CFHR3: variants seen among roughly 807,000 people sequenced by gnomAD.
The protein encoded by CFHR3 is complement factor H related 3, also known as complement factor H-related protein 3.
Under a neutral mutation model 36.0 loss-of-function variants are expected in CFHR3, and 22 were observed. That is an observed-to-expected ratio of 0.61 (90% CI 0.44 to 0.87). CFHR3 has a LOEUF of 0.87. Ranked by LOEUF, CFHR3 falls within the 40% of genes least tolerant of loss-of-function variation. The pLI, the probability that CFHR3 is intolerant of heterozygous loss-of-function variation, is 0.00. For synonymous variants in CFHR3, 97 were observed against 137.4 expected, an observed-to-expected ratio of 0.71 and a Z score of 2.06; for missense variants, 276 against 401.3, an observed-to-expected ratio of 0.69 and a Z score of 2.67.
At position 196,777,985 on chromosome 1, in the gene CFHR3, A is replaced by T. The variant is rs1267891258; in HGVS notation, c.59-1177A>T. 4.6e-4 allele frequency among the ~76,000 whole-genome samples: 34 copies of T among 74,270 alleles called. 1 individual carries two copies. Among genetic ancestry groups the T allele is most frequent in the East Asian group, 3.3e-3 (4 of 1,224 alleles). 48.7% of individuals were successfully genotyped at this position (74,270 alleles called of 152,430 possible). A position where few individuals can be genotyped will look rare whatever the true frequency, so the allele number is the denominator to read the frequency against. The stretch of plus-strand genomic sequence containing the variant: ...CTTGGTGACAGAACAAGACTGTTAA[A>T]AAAAAAAAAAAAAAAAAGAAAAGAA... On this transcript the variant is annotated intron_variant, in intron 1 of 5. Coordinates refer to ENST00000367425, the MANE Select transcript of CFHR3 (RefSeq NM_021023.6).
rs1442500828 is a variant in CFHR3, at chr1:196,783,321, A to G, written c.430+3348A>G. 2.9e-5 allele frequency among the ~76,000 whole-genome samples: 4 copies of G among 135,606 alleles called. 1 individual carries two copies. Among genetic ancestry groups the G allele is most frequent in the African/African-American group, 1.3e-4 (4 of 31,950 alleles). 89.0% of individuals were successfully genotyped at this position (135,606 alleles called of 152,430 possible). A position where few individuals can be genotyped will look rare whatever the true frequency, so the allele number is the denominator to read the frequency against. ...ATCAGGATGATGCTGGCCTCATAAA[A>G]TGAGTTAGGGAGGATTCCCTCTTTT... On this transcript the variant is annotated intron_variant, in intron 3 of 5. Transcript: ENST00000367425.
At chr1:196,780,026 G>C in intron 3 of CFHR3, 53 bp downstream of exon 3, 1 of 1,522,198 alleles carries the variant, frequency 6.6e-7, no homozygotes, top group Middle Eastern at 1.9e-4. Flanking sequence ...TAAGTAACAC[G>C]GACGACAGTC....
intron 3 of CFHR3, among the ~76,000 whole-genome samples, chr1:196,786,625 C>G (rs1654215652): frequency 7.3e-6 from 1 of 136,746 alleles, no homozygotes; most frequent in Admixed American, 7.0e-5. Context: ...GCGATATAAT[C>G]TCCTGGTGTG....
In CFHR3 at chr1:196,774,994, C is replaced by G. The variant is rs778730759; in HGVS notation, c.58+50C>G. The G allele has an allele frequency of 4.5e-5, 60 of 1,347,598 alleles. 6 individuals carry two copies. Among genetic ancestry groups the G allele is most frequent in the Non-Finnish European group, 5.5e-5 (53 of 968,256 alleles). The allele number at this position is 1,347,598 out of a possible 1,614,324, so 83.5% of individuals were successfully genotyped here. On this transcript the variant is annotated intron_variant, in intron 1 of 5. Coordinates refer to ENST00000367425, the MANE Select transcript of CFHR3 (RefSeq NM_021023.6). Reference sequence around the variant, plus strand: ...TCAGCTTCCCTCTTAAATGTAACTTCATGTAATATCTAGCTTTGTATGTCT... The same window carrying G: ...TCAGCTTCCCTCTTAAATGTAACTTGATGTAATATCTAGCTTTGTATGTCT...
Position 196,794,201 on chromosome 1 carries a change from A to T in CFHR3, c.*688A>T. 6.5e-6 allele frequency: 1 copy of T among 153,504 alleles called. No individual in the cohort carries two copies. The highest frequency in any genetic ancestry group is 1.3e-5 in the Non-Finnish European group (1 of 75,152). The allele number at this position is 153,504 out of a possible 1,614,324, so 9.5% of individuals were successfully genotyped here. On this transcript the variant is annotated 3_prime_UTR_variant, in exon 6 of 6. Coordinates refer to ENST00000367425, the MANE Select transcript of CFHR3 (RefSeq NM_021023.6). ...ATGCTGAAGCCAGGTGCAGTGGCAC[A>T]CGCCTGTAATCCTAGCACTTTGAGA... is the stretch of plus-strand genomic sequence containing the variant.
At chr1:196,780,104 G>A in intron 3 of CFHR3, 131 bp downstream of exon 3, 1 of 1,225,350 alleles carries the variant, frequency 8.2e-7, no homozygotes. Context: ...GACCTATTTA[G>A]TTTTACTTTT....
chr1:196,784,797 A>G (rs1654121887), intron 3 of CFHR3, among the ~76,000 whole-genome samples: 1 of 135,056 alleles, frequency 7.4e-6, no homozygotes, highest in Non-Finnish European at 1.6e-5. Flanking sequence ...CATTTAGTCC[A>G]TTTACATTTA....
rs184319903 is a variant in CFHR3, at chr1:196,789,842, G to A, written c.614-203G>A. 1.8e-4 allele frequency: 193 copies of A among 1,095,096 alleles called. 13 individuals carry two copies. The East Asian group carries it at 5.1e-3, about 29-fold the overall frequency. 67.8% of individuals were successfully genotyped at this position (1,095,096 alleles called of 1,614,324 possible). ...TACATATGTATATGTACACATATGT[G>A]TGTACATATATGTACATATATATGT... On this transcript the variant is annotated intron_variant, in intron 4 of 5. Transcript: ENST00000367425.
Position 196,780,864 on chromosome 1 carries a change from A to G in CFHR3, c.430+891A>G, listed in dbSNP as rs751261038. Among the ~76,000 whole-genome samples the G allele has an allele frequency of 9.1e-5, 12 of 132,574 alleles. 2 individuals carry two copies. Among genetic ancestry groups the G allele is most frequent in the Admixed American group, 1.4e-4 (2 of 13,806 alleles). The allele number at this position is 132,574 out of a possible 152,430, so 87.0% of individuals were successfully genotyped here. A position where few individuals can be genotyped will look rare whatever the true frequency, so the allele number is the denominator to read the frequency against. ...TGTGCACAATGTGCAGGTTAGTTAC[A>G]TATGTATACATGTGCCATGCTGGTG... On this transcript the variant is annotated intron_variant, in intron 3 of 5. Transcript: ENST00000367425.
In CFHR3 at chr1:196,774,860, A is replaced by G. The variant is rs201490723; in HGVS notation, c.-27A>G. The G allele has an allele frequency of 2.0e-6, 3 of 1,497,754 alleles. No individual in the cohort carries two copies. The highest frequency in any genetic ancestry group is 2.5e-5 in the South Asian group (2 of 79,712). The allele number at this position is 1,497,754 out of a possible 1,614,324, so 92.8% of individuals were successfully genotyped here. ...CAAACAGTGCAACTGAAACTTTTGT[A>G]TTAGCATACTACTGAGAATATCTAA... On this transcript the variant is annotated 5_prime_UTR_variant, in exon 1 of 6. Coordinates refer to ENST00000367425, the MANE Select transcript of CFHR3 (RefSeq NM_021023.6).
At chr1:196,791,263 C>G (rs1482976257) in intron 5 of CFHR3, among the ~76,000 whole-genome samples, 2 of 136,126 alleles carry the variant, frequency 1.5e-5, no homozygotes, top group Non-Finnish European at 3.1e-5. Context: ...TATAGGTATA[C>G]TTCCAGAATT....
Position 196,777,762 on chromosome 1 carries a change from G to A in CFHR3, c.59-1400G>A, listed in dbSNP as rs116992206. Among the ~76,000 whole-genome samples the A allele has an allele frequency of 2.3e-4, 31 of 134,932 alleles. 3 individuals carry two copies. In the East Asian group the frequency reaches 3.7e-3, roughly 16 times the overall value. The allele number at this position is 134,932 out of a possible 152,430, so 88.5% of individuals were successfully genotyped here. A position where few individuals can be genotyped will look rare whatever the true frequency, so the allele number is the denominator to read the frequency against. On this transcript the variant is annotated intron_variant, in intron 1 of 5. Transcript: ENST00000367425. ...AGCACTTTCGGGGGCCAAGGCGCGC[G>A]GATCACTTGAGGTCAGGAGTTGGAG...
In CFHR3 at chr1:196,794,340, G is replaced by T. The variant is rs1261018069; in HGVS notation, c.*827G>T. Among the ~76,000 whole-genome samples, 1 of 136,198 alleles carries T rather than the reference G, an allele frequency of 7.3e-6. No individual in the cohort carries two copies. The highest frequency in any genetic ancestry group is 2.6e-4 in the South Asian group (1 of 3,914). 89.4% of individuals were successfully genotyped at this position (136,198 alleles called of 152,430 possible). ...TAGCTCGGCATGATGGCGTGCACCT[G>T]TAGTCCCAGCTACTCAGGAGGCTGA... On this transcript the variant is annotated 3_prime_UTR_variant, in exon 6 of 6. Coordinates refer to ENST00000367425, the MANE Select transcript of CFHR3 (RefSeq NM_021023.6).
intron 3 of CFHR3, among the ~76,000 whole-genome samples, chr1:196,786,616 C>T (rs201788925): frequency 0.2 from 26,542 of 135,482 alleles, 6,370 homozygotes; most frequent in East Asian, 0.5. Context: ...GCCAGGTGAG[C>T]GATATAATCT....
intron 5 of CFHR3, among the ~76,000 whole-genome samples, chr1:196,790,738 T>TAATAAATA (rs199831934): frequency 3.8e-5 from 4 of 106,216 alleles, no homozygotes; most frequent in Non-Finnish European, 7.3e-5. Flanking sequence ...AATAAAAAAA[T>TAATAAATA]AATAAATAAA....
chr1:196,777,845 G>A lies in CFHR3; in HGVS notation c.59-1317G>A, dbSNP rs187208669. On this transcript the variant is annotated intron_variant, in intron 1 of 5. Coordinates refer to ENST00000367425, the MANE Select transcript of CFHR3 (RefSeq NM_021023.6). ...CTACTAACAATTCAAAAAATTAGCC[G>A]GAGTGGCGGCACACACCTGCAATCC... is the stretch of plus-strand genomic sequence containing the variant. Among the ~76,000 whole-genome samples the A allele has an allele frequency of 5.0e-3, 656 of 132,344 alleles. 167 individuals carry two copies. The highest frequency in any genetic ancestry group is 0.021 in the African/African-American group (634 of 30,806). 86.8% of individuals were successfully genotyped at this position (132,344 alleles called of 152,430 possible).
At chr1:196,781,471 C>T (rs555098873) in intron 3 of CFHR3, among the ~76,000 whole-genome samples, 2,269 of 133,806 alleles carry the variant, frequency 0.017, 568 homozygotes, top group African/African-American at 0.069. Context: ...CTGTTGTTTC[C>T]TGACTTTTTA....
intron 2 of CFHR3, 105 bp downstream of exon 2, chr1:196,779,461 A>G: frequency 2.0e-6 from 2 of 978,936 alleles, no homozygotes; most frequent in Non-Finnish European, 3.1e-6. Flanking sequence ...AAATAGGGCC[A>G]AGAAATGAGT....
rs1654560506 is a variant in CFHR3, at chr1:196,795,368, G to A, written c.*1855G>A. 1 of 137,062 alleles carries A rather than the reference G, an allele frequency of 7.3e-6. No homozygotes were observed. The highest frequency in any genetic ancestry group is 2.0e-4 in the East Asian group (1 of 5,120). The allele number at this position is 137,062 out of a possible 1,614,324, so 8.5% of individuals were successfully genotyped here. Reference sequence around the variant, plus strand: ...GATGGTGAGGCCTTCCCAGCAATGTGGAACTGTGAGTCCATTAAACCTCTT... The same window carrying A: ...GATGGTGAGGCCTTCCCAGCAATGTAGAACTGTGAGTCCATTAAACCTCTT... On this transcript the variant is annotated 3_prime_UTR_variant, in exon 6 of 6. Coordinates refer to ENST00000367425, the MANE Select transcript of CFHR3 (RefSeq NM_021023.6).
Sources: gnomAD v4.1 joint callset for allele counts (sites outside exome capture counted in the v4.1 genomes callset) on GRCh38, gnomAD v4.1.1 for gene constraint, MANE v1.5 for transcripts, NCBI Gene and HGNC (gene_info 2026-07-23, HGNC 2026-07-21) for gene names.